The following GPHN variants were observed in gnomAD, a reference collection of about 807,000 sequenced individuals.
GPHN encodes the protein gephyrin.
Under a neutral mutation model 95.5 loss-of-function variants are expected in GPHN, and 17 were observed. The ratio of observed to expected loss-of-function variants is 0.18; its 90% CI spans 0.12 to 0.27. The LOEUF is 0.27. Among genes scored for constraint, GPHN ranks in the 10% least tolerant of loss-of-function variants. The pLI is 1.00. For synonymous variants in GPHN, 320 were observed against 322.5 expected (o/e 0.99, Z 0.08); for missense variants, 660 against 978.1 (o/e 0.67, Z 4.34).
chr14:67,112,726 G>A (rs879925432), intron 15 of GPHN, among the ~76,000 whole-genome samples: 2 of 152,172 alleles, frequency 1.3e-5, no homozygotes, highest in East Asian at 3.9e-4. Context: ...AATTTGTAAA[G>A]TAATTTTATT....
At chr14:66,583,504 T>C (rs1382590726) in intron 1 of GPHN, among the ~76,000 whole-genome samples, 2 of 152,098 alleles carry the variant, frequency 1.3e-5, no homozygotes, top group East Asian at 3.9e-4. Context: ...TTTTCTAGGG[T>C]TTTTACGGTT....
intron 21 of GPHN, among the ~76,000 whole-genome samples, chr14:67,173,668 C>G (rs2082726960): frequency 6.6e-6 from 1 of 152,124 alleles, no homozygotes; most frequent in Non-Finnish European, 1.5e-5. Context: ...AAATATAACA[C>G]CGCCAAAGGA....
intron 10 of GPHN, among the ~76,000 whole-genome samples, chr14:67,057,735 C>G (rs921886425): frequency 6.6e-6 from 1 of 151,940 alleles, no homozygotes; most frequent in Admixed American, 6.6e-5. Context: ...CATTTTCTTA[C>G]CTTTCTGCTG....
rs117306465 is a variant in GPHN at position 66,634,964 on chromosome 14, T to C, written c.65-46143T>C. 7.4e-3 allele frequency among the ~76,000 whole-genome samples: 1,126 copies of C among 152,310 alleles called. 3 individuals are homozygous for C. The highest frequency in any genetic ancestry group is 0.013 in the Non-Finnish European group (879 of 68,024). The stretch of plus-strand genomic sequence containing the variant: ...ATCTCTTTCAGTTATGTAGGTGGAC[T>C]GGATGTAGGTTGATAGATTTGTTTC... On this transcript the variant is annotated intron_variant, in intron 1 of 22. Transcript: ENST00000478722.
At chr14:66,830,960 G>C (rs1264658566) in intron 4 of GPHN, among the ~76,000 whole-genome samples, 1 of 151,802 alleles carries the variant, frequency 6.6e-6, no homozygotes, top group Non-Finnish European at 1.5e-5. Context: ...CTATAAGACA[G>C]GTATTATTTT....
the GPHN span, among the ~76,000 whole-genome samples, chr14:67,625,545 T>TGGTGCATGCC: frequency 3.3e-5 from 5 of 151,512 alleles, no homozygotes; most frequent in Non-Finnish European, 7.4e-5. Flanking sequence ...CCGGGCATGG[T>TGGTGCATGCC]GGTGCATGCC....
At chr14:67,280,179 A>G in the GPHN span, among the ~76,000 whole-genome samples, 1 of 152,246 alleles carries the variant, frequency 6.6e-6, no homozygotes, top group Non-Finnish European at 1.5e-5. Context: ...CATAGCTGTT[A>G]GAATGTTACT....
At chr14:66,596,790 G>A (rs1032978219) in intron 1 of GPHN, among the ~76,000 whole-genome samples, 3 of 152,158 alleles carry the variant, frequency 2.0e-5, no homozygotes, top group South Asian at 2.1e-4. Context: ...CTACAACTGC[G>A]CCCGGGGGGC....
At chr14:67,104,485 T>C (rs1255152191) in intron 13 of GPHN, among the ~76,000 whole-genome samples, 1 of 152,186 alleles carries the variant, frequency 6.6e-6, no homozygotes, top group Non-Finnish European at 1.5e-5. Flanking sequence ...AGTCATCAGA[T>C]CTTGGGCTTT....
the GPHN span, among the ~76,000 whole-genome samples, chr14:67,307,419 G>A: frequency 6.6e-6 from 1 of 151,984 alleles, no homozygotes; most frequent in Non-Finnish European, 1.5e-5. Context: ...GGATCACATC[G>A]CTTATTAGTT....
the GPHN span, among the ~76,000 whole-genome samples, chr14:67,617,942 C>G: frequency 6.6e-6 from 1 of 152,154 alleles, no homozygotes; most frequent in Non-Finnish European, 1.5e-5. Flanking sequence ...TGGTCTCAAA[C>G]TCCTGACCTC....
At chr14:67,448,020 C>G in the GPHN span, 1 of 151,506 alleles carries the variant, frequency 6.6e-6, no homozygotes, top group East Asian at 2.0e-4. Flanking sequence ...CCCAGGAAAC[C>G]TGCCGAACCC....
the GPHN span, among the ~76,000 whole-genome samples, chr14:67,519,864 A>G: frequency 6.6e-6 from 1 of 152,158 alleles, no homozygotes; most frequent in South Asian, 2.1e-4. Context: ...CTGGGACTAC[A>G]GGCGTACGCC....
chr14:66,763,963 A>G (rs1373264619), intron 2 of GPHN, among the ~76,000 whole-genome samples: 1 of 152,194 alleles, frequency 6.6e-6, no homozygotes, highest in East Asian at 1.9e-4. Context: ...GAATGCCTGA[A>G]GATCTGCCAC....
chr14:66,777,069 G>A (rs1237195121), intron 3 of GPHN, among the ~76,000 whole-genome samples: 10 of 148,382 alleles, frequency 6.7e-5, no homozygotes, highest in Admixed American at 1.3e-4. Context: ...TTGATAGACC[G>A]CTAGCAAGAC....
At chr14:67,089,154 T>TTTTTTTTTTTTTTTTC (rs2077047426) in intron 12 of GPHN, 79 bp downstream of exon 12, 1 of 492,400 alleles carries the variant, frequency 2.0e-6, no homozygotes, top group Non-Finnish European at 3.6e-6. Context: ...TTTTTTTTTT[T>TTTTTTTTTTTTTTTTC]TTTTCAAATT....
the GPHN span, chr14:67,571,773 A>G: frequency 6.2e-7 from 1 of 1,613,956 alleles, no homozygotes; most frequent in Non-Finnish European, 8.5e-7. Flanking sequence ...GATCAGCAAC[A>G]TGCCCTTTAT....
chr14:67,465,351 A>G, the GPHN span, among the ~76,000 whole-genome samples: 6 of 128,870 alleles, frequency 4.7e-5, no homozygotes, highest in African/African-American at 1.5e-4. Context: ...AGGGAGAACT[A>G]CAAGTCAGTC....
At chr14:66,926,298 A>G (rs937769981) in intron 8 of GPHN, among the ~76,000 whole-genome samples, 1 of 152,106 alleles carries the variant, frequency 6.6e-6, no homozygotes, top group African/African-American at 2.4e-5. Flanking sequence ...GTGGAGTATT[A>G]CTCAAGAAAT....
Sources: allele counts gnomAD v4.1 joint callset (sites outside exome capture counted in the v4.1 genomes callset), GRCh38; gene constraint gnomAD v4.1.1; transcripts MANE v1.5; gene names NCBI Gene and HGNC (gene_info 2026-07-23, HGNC 2026-07-21).